The following ZHX3 variants were observed in gnomAD, a reference collection of about 807,000 sequenced individuals.
ZHX3 encodes the protein zinc fingers and homeoboxes protein 3.
In ZHX3, 20 loss-of-function variants were observed where a neutral mutation model predicts 64.5. The ratio of observed to expected loss-of-function variants is 0.31; its 90% CI spans 0.22 to 0.45. The LOEUF (loss-of-function observed/expected upper bound fraction) is 0.45, where lower values mean the gene tolerates loss of function less well. Ranked by LOEUF, ZHX3 falls within the 20% of genes least tolerant of loss-of-function variation. The pLI, the probability that ZHX3 is intolerant of heterozygous loss-of-function variation, is 1.00. For missense variants in ZHX3, 1,041 were observed against 1,195.8 expected (o/e 0.87, Z 1.91); for synonymous variants, 423 against 461.6 (o/e 0.92, Z 1.07).
At chr20:41,236,102 C>G (rs2040965439) in intron 2 of ZHX3, among the ~76,000 whole-genome samples, 1 of 152,176 alleles carries the variant, frequency 6.6e-6, no homozygotes. Flanking sequence ...CTACAGACCA[C>G]TGCTCAATGA....
At position 41,311,883 on chromosome 20, in the gene ZHX3, T is replaced by C. The variant is rs141583296; in HGVS notation, c.-245+5626A>G. Reference sequence around the variant, plus strand: ...AAAAAAGTAGCTATTAAAATAACTATTCAAAATGTTCTGAGGCCCTACACC... The same window carrying C: ...AAAAAAGTAGCTATTAAAATAACTACTCAAAATGTTCTGAGGCCCTACACC... On this transcript the variant is annotated intron_variant, in intron 1 of 3. Coordinates refer to ENST00000683867, the MANE Select transcript of ZHX3 (RefSeq NM_001384317.1). 3.3e-3 allele frequency among the ~76,000 whole-genome samples: 496 copies of C among 152,312 alleles called. 1 individual carries two copies. Among genetic ancestry groups the C allele is most frequent in the African/African-American group, 0.011 (473 of 41,562 alleles).
At chr20:41,194,253 T>G (rs1326192572) in intron 3 of ZHX3, among the ~76,000 whole-genome samples, 1 of 152,184 alleles carries the variant, frequency 6.6e-6, no homozygotes, top group African/African-American at 2.4e-5. Flanking sequence ...TTCATCATAT[T>G]GTCATATTCC....
At chr20:41,252,932 T>A (rs974507833) in intron 2 of ZHX3, among the ~76,000 whole-genome samples, 5 of 152,188 alleles carry the variant, frequency 3.3e-5, no homozygotes, top group African/African-American at 1.2e-4. Context: ...TAATTAACAG[T>A]CGACAGGACA....
intron 2 of ZHX3, among the ~76,000 whole-genome samples, chr20:41,260,170 A>G (rs978469896): frequency 6.7e-6 from 1 of 148,682 alleles, no homozygotes; most frequent in Non-Finnish European, 1.5e-5. Context: ...CATCTCTCTA[A>G]GCCAAATGTG....
Position 41,195,069 on chromosome 20 carries a change from C to T in ZHX3, c.2860+6988G>A, listed in dbSNP as rs1403955900. On this transcript the variant is annotated intron_variant, in intron 3 of 3. Coordinates refer to ENST00000683867, the MANE Select transcript of ZHX3 (RefSeq NM_001384317.1). The surrounding 1 kb of genome is among the most constrained non-coding windows in gnomAD (Gnocchi z 4.2). ...TTCTGGTAACTTTGGGTTTCATTTGCTCTTTTCTAGTTCTTTAAAGTGTAC... is the reference window on the plus strand; with the variant it reads ...TTCTGGTAACTTTGGGTTTCATTTGTTCTTTTCTAGTTCTTTAAAGTGTAC... 6.6e-6 allele frequency among the ~76,000 whole-genome samples: 1 copy of T among 152,062 alleles called. No homozygotes were observed. Among genetic ancestry groups the T allele is most frequent in the Non-Finnish European group, 1.5e-5 (1 of 68,018 alleles).
intron 2 of ZHX3, among the ~76,000 whole-genome samples, chr20:41,234,958 T>C (rs995264063): frequency 2.0e-5 from 3 of 152,246 alleles, no homozygotes; most frequent in Admixed American, 6.5e-5. Flanking sequence ...AGGTTGTCCT[T>C]GTAAGTCTCT....
chr20:41,231,768 T>A (rs1471016920), intron 2 of ZHX3, among the ~76,000 whole-genome samples: 1 of 152,150 alleles, frequency 6.6e-6, no homozygotes, highest in Non-Finnish European at 1.5e-5. Context: ...TAGAATCAAA[T>A]AGCTTAGAAA....
chr20:41,282,825 T>C (rs1009885069), intron 1 of ZHX3, among the ~76,000 whole-genome samples: 1 of 152,232 alleles, frequency 6.6e-6, no homozygotes, highest in Non-Finnish European at 1.5e-5. Context: ...GATAATTATT[T>C]TGATCAGCTA....
intron 2 of ZHX3, among the ~76,000 whole-genome samples, chr20:41,221,932 G>C (rs1476056092): frequency 3.9e-5 from 6 of 152,232 alleles, no homozygotes; most frequent in African/African-American, 1.4e-4. Context: ...GCTGTGGTAG[G>C]GGGCAGGGAG....
chr20:41,221,694 AC>A (rs1201377414), intron 2 of ZHX3, among the ~76,000 whole-genome samples: 3 of 152,192 alleles, frequency 2.0e-5, no homozygotes, highest in Non-Finnish European at 1.5e-5. Context: ...ATTTAGATAT[AC>A]AGTGGTCAGA....
intron 1 of ZHX3, among the ~76,000 whole-genome samples, chr20:41,300,600 T>C (rs909243024): frequency 7.2e-5 from 11 of 151,994 alleles, no homozygotes; most frequent in African/African-American, 2.7e-4. Context: ...TACTTTATGC[T>C]CCAGGAGAAA....
At chr20:41,266,695 GC>G (rs1485995212) in intron 2 of ZHX3, among the ~76,000 whole-genome samples, 1 of 151,570 alleles carries the variant, frequency 6.6e-6, no homozygotes, top group Non-Finnish European at 1.5e-5. Flanking sequence ...ACAGGCGCGC[GC>G]CACTGCGCCC....
chr20:41,212,399 A>T lies in ZHX3; in HGVS notation c.-150-7333T>A, dbSNP rs536150231. ...AGATAACAAGTATAGATGAGGATGC[A>T]GAGAAACTGGAGCCCTCACGTATTG... On this transcript the variant is annotated intron_variant, in intron 2 of 3. Coordinates refer to ENST00000683867, the MANE Select transcript of ZHX3 (RefSeq NM_001384317.1). The surrounding 1 kb of genome is among the most constrained non-coding windows in gnomAD (Gnocchi z 4.3). 8.5e-5 allele frequency among the ~76,000 whole-genome samples: 13 copies of T among 152,334 alleles called. No individual in the cohort carries two copies. The South Asian group carries it at 2.5e-3, about 29-fold the overall frequency.
intron 1 of ZHX3, among the ~76,000 whole-genome samples, chr20:41,296,232 TAAAAAAAAAAAAAAAAAAAAAA>T (rs57987896): frequency 0.4 from 29,751 of 73,494 alleles, 3,701 homozygotes; most frequent in South Asian, 0.52. Flanking sequence ...GTTCATAAAG[TAAAAAAAAAAAAAAAAAAAAAA>T]AAAAAAAAAA....
intron 1 of ZHX3, among the ~76,000 whole-genome samples, chr20:41,286,586 C>T (rs1016381973): frequency 5.9e-5 from 9 of 152,220 alleles, no homozygotes; most frequent in African/African-American, 1.9e-4. Context: ...CTGCTCAAAA[C>T]CCTCCAATGG....
intron 2 of ZHX3, among the ~76,000 whole-genome samples, chr20:41,249,909 G>A (rs1376895483): frequency 3.9e-5 from 6 of 152,150 alleles, no homozygotes; most frequent in Admixed American, 6.5e-5. Context: ...GTGGCCGAGG[G>A]TGTTTCCCAA....
intron 2 of ZHX3, among the ~76,000 whole-genome samples, chr20:41,216,822 C>G (rs1450575555): frequency 6.6e-6 from 1 of 152,146 alleles, no homozygotes; most frequent in East Asian, 1.9e-4. Context: ...TCGCTGTTAC[C>G]ACCAAAGAAC....
intron 1 of ZHX3, among the ~76,000 whole-genome samples, chr20:41,303,070 A>G (rs1271793530): frequency 6.6e-6 from 1 of 152,246 alleles, no homozygotes; most frequent in Non-Finnish European, 1.5e-5. Flanking sequence ...CTCATTTGAC[A>G]CACTTTCATC....
chr20:41,304,631 A>G (rs1483818533), intron 1 of ZHX3, among the ~76,000 whole-genome samples: 1 of 152,216 alleles, frequency 6.6e-6, no homozygotes, highest in Non-Finnish European at 1.5e-5. Flanking sequence ...ACACACTAAG[A>G]TTTATTTTAA....
Sources: allele counts gnomAD v4.1 joint callset (sites outside exome capture counted in the v4.1 genomes callset), GRCh38; gene constraint gnomAD v4.1.1; non-coding constraint Gnocchi (gnomAD v3.1); transcripts MANE v1.5; gene names NCBI Gene and HGNC (gene_info 2026-07-23, HGNC 2026-07-21).